ANO4: variants seen among roughly 807,000 people sequenced by gnomAD.
ANO4 encodes anoctamin-4.
In ANO4, 69 loss-of-function variants were observed where a neutral mutation model predicts 141.9. The observed-to-expected ratio is 0.49, with a 90% CI of 0.40 to 0.59. The LOEUF is 0.59. ANO4 is among the 20% of genes least tolerant of loss of function. The pLI is 0.00. For missense variants in ANO4, 894 were observed against 1,162.2 expected (o/e 0.77, Z 3.36); for synonymous variants, 350 against 394.3 (o/e 0.89, Z 1.33).
At chr12:100,996,147 A>G (rs1405529174) in intron 8 of ANO4, among the ~76,000 whole-genome samples, 1 of 152,228 alleles carries the variant, frequency 6.6e-6, no homozygotes, top group Admixed American at 6.5e-5. Context: ...CACATCTGAT[A>G]CTAAGATATT....
intron 14 of ANO4, chr12:101,066,997 C>CAA (rs34416390): frequency 0.013 from 2,377 of 181,054 alleles, 8 homozygotes; most frequent in Non-Finnish European, 0.015. Context: ...TAAAGTATAA[C>CAA]AAAAAAAAAA....
intron 11 of ANO4, among the ~76,000 whole-genome samples, chr12:101,040,604 G>GT (rs202128180): frequency 6.6e-6 from 1 of 152,052 alleles, no homozygotes; most frequent in Non-Finnish European, 1.5e-5. Context: ...GGAAATGTAT[G>GT]TTTTTTTATT....
chr12:100,788,700 A>G (rs568319289), intron 3 of ANO4, among the ~76,000 whole-genome samples: 3 of 152,298 alleles, frequency 2.0e-5, no homozygotes, highest in African/African-American at 7.2e-5. Context: ...TCTTGAGTGT[A>G]TATTGAGTGT....
At chr12:100,775,315 T>C (rs1259458322) in intron 3 of ANO4, among the ~76,000 whole-genome samples, 4 of 152,196 alleles carry the variant, frequency 2.6e-5, no homozygotes, top group African/African-American at 9.7e-5. Flanking sequence ...GAGCATAGAC[T>C]CACAGAGTTT....
At chr12:101,050,931 T>C (rs2047839730) in intron 14 of ANO4, among the ~76,000 whole-genome samples, 1 of 152,136 alleles carries the variant, frequency 6.6e-6, no homozygotes, top group South Asian at 2.1e-4. Context: ...TATATAAGAG[T>C]GGTATCCTGG....
At chr12:101,016,749 C>T (rs1295312789) in intron 8 of ANO4, among the ~76,000 whole-genome samples, 4 of 152,222 alleles carry the variant, frequency 2.6e-5, no homozygotes, top group Non-Finnish European at 5.9e-5. Flanking sequence ...ATAGAAACTA[C>T]AGCAATGATG....
At chr12:101,058,920 A>G (rs2048236162) in intron 14 of ANO4, among the ~76,000 whole-genome samples, 1 of 152,080 alleles carries the variant, frequency 6.6e-6, no homozygotes, top group African/African-American at 2.4e-5. Context: ...GTGGTGAGAG[A>G]GGGCATTCTT....
chr12:100,902,554 A>G (rs2040641913), intron 2 of ANO4, among the ~76,000 whole-genome samples: 2 of 152,216 alleles, frequency 1.3e-5, no homozygotes, highest in Admixed American at 6.5e-5. Flanking sequence ...GAAAGAATTC[A>G]TAAGTCATTG....
chr12:100,901,638 C>T lies in ANO4; in HGVS notation c.-140-8C>T, dbSNP rs1449372884. The stretch of plus-strand genomic sequence containing the variant: ...TCTTCAGTCTAATGGTGCCATTTCT[C>T]ATTCCAGGTTTAAGTTTATCTATTC... On this transcript the variant is annotated splice_polypyrimidine_tract_variant and splice_region_variant and intron_variant, in intron 1 of 27. Transcript: ENST00000392977. 2 of 775,138 alleles carry T rather than the reference C, an allele frequency of 2.6e-6. No homozygotes were observed. The highest frequency in any genetic ancestry group is 2.4e-6 in the Non-Finnish European group (1 of 422,292). The allele number at this position is 775,138 out of a possible 1,614,324, so 48.0% of individuals were successfully genotyped here.
chr12:100,749,492 A>G (rs961001111), intron 3 of ANO4, among the ~76,000 whole-genome samples: 17 of 152,214 alleles, frequency 1.1e-4, no homozygotes, highest in African/African-American at 2.7e-4. Flanking sequence ...TCAGAATTCA[A>G]GAACATTTCT....
chr12:100,932,725 G>T (rs1434023673), intron 3 of ANO4, among the ~76,000 whole-genome samples: 1 of 152,064 alleles, frequency 6.6e-6, no homozygotes, highest in Non-Finnish European at 1.5e-5. Flanking sequence ...GTCCTCTCCT[G>T]ACTTTTCTGC....
intron 1 of ANO4, among the ~76,000 whole-genome samples, chr12:100,890,662 G>A (rs1397390986): frequency 2.6e-5 from 4 of 152,104 alleles, no homozygotes; most frequent in African/African-American, 9.7e-5. Context: ...TAGGTTCACA[G>A]CAAAATTGAC....
At chr12:100,781,314 G>C (rs1414515784) in intron 3 of ANO4, among the ~76,000 whole-genome samples, 4 of 152,216 alleles carry the variant, frequency 2.6e-5, no homozygotes, top group Non-Finnish European at 5.9e-5. Flanking sequence ...TGCAGTGGGA[G>C]CATTTCCACT....
chr12:100,888,427 G>C (rs1254992915), intron 1 of ANO4, among the ~76,000 whole-genome samples: 1 of 152,236 alleles, frequency 6.6e-6, no homozygotes. Flanking sequence ...TGCCTCAAGA[G>C]GCAAGGGCAA....
intron 1 of ANO4, among the ~76,000 whole-genome samples, chr12:100,882,039 CACA>C (rs1191473705): frequency 6.6e-6 from 1 of 151,928 alleles, no homozygotes; most frequent in African/African-American, 2.4e-5. Context: ...AGGCCTGATG[CACA>C]ACAACAAAAA....
chr12:101,122,331 C>G (rs139246527), intron 26 of ANO4, among the ~76,000 whole-genome samples: 65 of 152,280 alleles, frequency 4.3e-4, no homozygotes, highest in African/African-American at 1.5e-3. Context: ...TTCTCCCATT[C>G]TGTACGGTGT....
intron 8 of ANO4, among the ~76,000 whole-genome samples, chr12:100,995,139 G>T (rs1006211053): frequency 2.0e-5 from 3 of 152,032 alleles, no homozygotes; most frequent in African/African-American, 4.8e-5. Flanking sequence ...GAGGGGAATG[G>T]GGAGGACTGC....
chr12:101,043,447 C>G (rs2047491455), intron 12 of ANO4, 92 bp from the exon 13 acceptor site: 1 of 882,952 alleles, frequency 1.1e-6, no homozygotes, highest in African/African-American at 1.7e-5. Context: ...ATTTAACCTA[C>G]TGGATCTTAT....
At chr12:100,994,583 CT>C (rs2045286210) in intron 8 of ANO4, among the ~76,000 whole-genome samples, 1 of 152,174 alleles carries the variant, frequency 6.6e-6, no homozygotes, top group South Asian at 2.1e-4. Flanking sequence ...ATGTTCTCCC[CT>C]GCATTTTCTG....
Sources: gnomAD v4.1 joint callset for allele counts (sites outside exome capture counted in the v4.1 genomes callset) on GRCh38, gnomAD v4.1.1 for gene constraint, MANE v1.5 for transcripts, NCBI Gene and HGNC (gene_info 2026-07-23, HGNC 2026-07-21) for gene names.